TLN2: variants seen among roughly 807,000 people sequenced by gnomAD.
TLN2 encodes the protein talin 2, also known as talin-2.
A neutral mutation model predicts 294.7 loss-of-function variants in TLN2; 118 were observed. The observed-to-expected ratio is 0.40, with a 90% confidence interval of 0.34 to 0.47. TLN2 has a LOEUF of 0.47. Among genes scored for constraint, TLN2 ranks in the 20% least tolerant of loss-of-function variants. The pLI, the probability that TLN2 is intolerant of heterozygous loss-of-function variation, is 0.84. For missense variants in TLN2, 3,083 were observed against 3,282.2 expected, an observed-to-expected ratio of 0.94 and a Z score of 1.48; for synonymous variants, 1,431 against 1,304.5, an observed-to-expected ratio of 1.10 and a Z score of -2.09.
At chr15:62,512,164 G>A (rs2039969083) in intron 1 of TLN2, among the ~76,000 whole-genome samples, 1 of 152,120 alleles carries the variant, frequency 6.6e-6, no homozygotes, top group Admixed American at 6.5e-5. Context: ...TTACACTTTT[G>A]CCACATGACA....
chr15:62,415,587 T>TGTA (rs2034026969), intron 1 of TLN2, among the ~76,000 whole-genome samples: 2 of 152,124 alleles, frequency 1.3e-5, no homozygotes, highest in Admixed American at 6.5e-5. Flanking sequence ...TAACCCCTGC[T>TGTA]TGCCCCATTC....
At chr15:62,676,746 C>T (rs774246842) in intron 11 of TLN2, among the ~76,000 whole-genome samples, 2 of 152,180 alleles carry the variant, frequency 1.3e-5, no homozygotes, top group Non-Finnish European at 2.9e-5. Flanking sequence ...TCCCAAGTAG[C>T]TGGGACTACA....
intron 1 of TLN2, among the ~76,000 whole-genome samples, chr15:62,451,622 AT>A (rs1386582548): frequency 6.6e-6 from 1 of 152,110 alleles, no homozygotes; most frequent in Non-Finnish European, 1.5e-5. Context: ...TGCCATTGCG[AT>A]CCAGCCTGGG....
At chr15:62,801,205 T>C (rs1228665408) in intron 50 of TLN2, among the ~76,000 whole-genome samples, 1 of 152,216 alleles carries the variant, frequency 6.6e-6, no homozygotes, top group Non-Finnish European at 1.5e-5. Flanking sequence ...TGGAAAAGCC[T>C]AGAAGCCTTT....
At chr15:62,791,688 T>C (rs1413036307) in intron 45 of TLN2, among the ~76,000 whole-genome samples, 1 of 152,202 alleles carries the variant, frequency 6.6e-6, no homozygotes, top group African/African-American at 2.4e-5. Context: ...ATAAAAGCCA[T>C]AGCTTCTAGC....
chr15:62,413,017 G>A (rs1042881681), intron 1 of TLN2, among the ~76,000 whole-genome samples: 26 of 152,186 alleles, frequency 1.7e-4, no homozygotes, highest in Non-Finnish European at 2.9e-5. Context: ...GAGAGTGGAG[G>A]ATAGGGAGGA....
intron 1 of TLN2, among the ~76,000 whole-genome samples, chr15:62,443,036 C>T (rs537300606): frequency 6.6e-6 from 1 of 152,288 alleles, no homozygotes; most frequent in South Asian, 2.1e-4. Flanking sequence ...CCTACCTCCC[C>T]TCTTTTCAGG....
intron 1 of TLN2, among the ~76,000 whole-genome samples, chr15:62,486,455 T>G (rs1316393507): frequency 4.3e-5 from 6 of 138,578 alleles, no homozygotes; most frequent in African/African-American, 1.6e-4. Context: ...TTCCTTTGTT[T>G]TTTTTTTTTT....
intron 52 of TLN2, among the ~76,000 whole-genome samples, chr15:62,813,178 T>A (rs2066826269): frequency 6.6e-6 from 1 of 152,226 alleles, no homozygotes; most frequent in Admixed American, 6.5e-5. Flanking sequence ...ACATTTCAGT[T>A]GATTGATTTT....
intron 1 of TLN2, among the ~76,000 whole-genome samples, chr15:62,576,476 G>A (rs2140666279): frequency 6.6e-6 from 1 of 152,142 alleles, no homozygotes; most frequent in East Asian, 1.9e-4. Flanking sequence ...TAGCAGGTGA[G>A]TTGTATGGGG....
chr15:62,497,518 G>T (rs1469681843), intron 1 of TLN2, among the ~76,000 whole-genome samples: 1 of 152,178 alleles, frequency 6.6e-6, no homozygotes, highest in Non-Finnish European at 1.5e-5. Flanking sequence ...TGCTTCCTCT[G>T]TGTGGGAAGA....
chr15:62,404,353 GGAC>G, intron 1 of TLN2, among the ~76,000 whole-genome samples: 1 of 152,132 alleles, frequency 6.6e-6, no homozygotes. Flanking sequence ...GATGATAAAT[GGAC>G]TTGTCTGAAG....
rs2053392189 is a variant in TLN2 at position 62,657,853 on chromosome 15, A to T, written c.743A>T (p.Gln248Leu). The T allele has an allele frequency of 6.2e-7, 1 of 1,613,768 alleles. No individual in the cohort carries two copies. Among genetic ancestry groups the T allele is most frequent in the African/African-American group, 1.3e-5 (1 of 74,902 alleles). Residue 248 changes from glutamine (Q) to leucine (L), a missense_variant, in exon 9 of 59, where the codon CAA becomes CTA. Physicochemically the swap from Gln to Leu is moderately radical, Grantham distance 113. Coordinates refer to ENST00000636159, the MANE Select transcript of TLN2 (RefSeq NM_015059.3). ...TTTGGTGGATTTCAAGCCCAGATAC[A>T]ATTTGGACCTCATGTGGAACATAAA... is the stretch of plus-strand genomic sequence containing the variant. ...CEFGGFQAQI[Q>L]FGPHVEHKHK...
At chr15:62,741,987 T>G (rs1348887448) in intron 32 of TLN2, among the ~76,000 whole-genome samples, 1 of 88,540 alleles carries the variant, frequency 1.1e-5, no homozygotes, top group Non-Finnish European at 2.3e-5. Flanking sequence ...GTACTCATGG[T>G]CCAAACATGT....
chr15:62,404,783 G>A (rs1184011837), intron 1 of TLN2, among the ~76,000 whole-genome samples: 1 of 152,066 alleles, frequency 6.6e-6, no homozygotes, highest in Non-Finnish European at 1.5e-5. Context: ...TCCTTGAAGG[G>A]CTCTCTACTG....
intron 1 of TLN2, among the ~76,000 whole-genome samples, chr15:62,506,580 G>A (rs2039633352): frequency 6.6e-6 from 1 of 152,222 alleles, no homozygotes; most frequent in Admixed American, 6.5e-5. Flanking sequence ...TTCCCAACAT[G>A]AAAGCTCTCC....
chr15:62,566,624 CTTT>C (rs757929282), intron 1 of TLN2, among the ~76,000 whole-genome samples: 6 of 135,498 alleles, frequency 4.4e-5, no homozygotes, highest in Non-Finnish European at 8.0e-5. Context: ...AGAAACCTTC[CTTT>C]TTTTTTTTTT....
At position 62,725,112 on chromosome 15, in the gene TLN2, G is replaced by C. The variant is rs1259579233; in HGVS notation, c.3255+8G>C. 11 of 1,607,006 alleles carry C rather than the reference G, an allele frequency of 6.8e-6. No individual in the cohort carries two copies. Among genetic ancestry groups the C allele is most frequent in the Non-Finnish European group, 9.4e-6 (11 of 1,176,056 alleles). ...CCACTTCCAGGGGAAACGGTGAGCT[G>C]TTAGAGCCAGCTGGGGTGCGGGTGT... On this transcript the variant is annotated splice_region_variant and intron_variant, in intron 27 of 58. Transcript: ENST00000636159.
chr15:62,580,556 G>A lies in TLN2; in HGVS notation c.-237-9131G>A, dbSNP rs188993784. The stretch of plus-strand genomic sequence containing the variant: ...CTCGCGAGTAGCCGGTACTATAGGC[G>A]CATACCACCACACCCAGCTAATTTT... On this transcript the variant is annotated intron_variant, in intron 1 of 58. Transcript: ENST00000636159. Among the ~76,000 whole-genome samples, 49 of 152,096 alleles carry A rather than the reference G, an allele frequency of 3.2e-4. No homozygotes were observed. In the East Asian group the frequency reaches 3.3e-3, roughly 10 times the overall value.
Sources: gnomAD v4.1 joint callset for allele counts (sites outside exome capture counted in the v4.1 genomes callset) on GRCh38, gnomAD v4.1.1 for gene constraint, MANE v1.5 for transcripts, NCBI Gene and HGNC (gene_info 2026-07-23, HGNC 2026-07-21) for gene names.